Variants in SUGCT observed in about 807,000 individuals in gnomAD.
SUGCT encodes the protein succinyl-CoA:glutarate-CoA transferase, also known as succinyl-CoA:glutarate CoA-transferase.
In SUGCT, 41 loss-of-function variants were observed where a neutral mutation model predicts 55.0. The observed-to-expected ratio is 0.74, with a 90% CI of 0.58 to 0.97. The LOEUF (loss-of-function observed/expected upper bound fraction) is 0.97. Ranked by LOEUF, SUGCT falls within the 50% of genes least tolerant of loss-of-function variation. The pLI, the probability that SUGCT is intolerant of heterozygous loss-of-function variation, is 0.00. For synonymous variants in SUGCT, 187 were observed against 200.4 expected (o/e 0.93, Z 0.56); for missense variants, 568 against 547.8 (o/e 1.04, Z -0.37).
chr7:40,589,992 C>G (rs1797624111), intron 12 of SUGCT, among the ~76,000 whole-genome samples: 1 of 151,982 alleles, frequency 6.6e-6, no homozygotes, highest in Admixed American at 6.6e-5. Flanking sequence ...TCTACTGGTG[C>G]CAATGTTTGA....
intron 7 of SUGCT, among the ~76,000 whole-genome samples, chr7:40,268,280 C>G (rs907020335): frequency 2.0e-5 from 3 of 152,314 alleles, no homozygotes; most frequent in Non-Finnish European, 2.9e-5. Context: ...CGCCCAGCCC[C>G]TGGCTAATCT....
At chr7:40,987,429 G>C in the SUGCT span, among the ~76,000 whole-genome samples, 2 of 152,220 alleles carry the variant, frequency 1.3e-5, no homozygotes, top group East Asian at 3.9e-4. Context: ...TGTGACTCTT[G>C]GTAATTTATG....
intron 7 of SUGCT, among the ~76,000 whole-genome samples, chr7:40,247,707 G>A (rs1250817649): frequency 6.6e-6 from 1 of 152,048 alleles, no homozygotes; most frequent in East Asian, 1.9e-4. Flanking sequence ...CCTTTCCTTT[G>A]TTTTTATTGG....
At chr7:40,978,782 G>T in the SUGCT span, among the ~76,000 whole-genome samples, 2 of 152,190 alleles carry the variant, frequency 1.3e-5, no homozygotes, top group Admixed American at 6.5e-5. Flanking sequence ...AAGGGGCACT[G>T]GAGTGGAGGC....
chr7:40,932,592 A>G, the SUGCT span, among the ~76,000 whole-genome samples: 1 of 152,092 alleles, frequency 6.6e-6, no homozygotes, highest in Non-Finnish European at 1.5e-5. Flanking sequence ...GACTTGCTTT[A>G]TGAATCTGGG....
chr7:40,594,044 A>G (rs1797869389), intron 12 of SUGCT, among the ~76,000 whole-genome samples: 1 of 152,184 alleles, frequency 6.6e-6, no homozygotes, highest in Non-Finnish European at 1.5e-5. Context: ...ATGAAACTGG[A>G]AATCATCATT....
chr7:40,396,227 A>G (rs1785718565), intron 9 of SUGCT, among the ~76,000 whole-genome samples: 2 of 152,202 alleles, frequency 1.3e-5, no homozygotes. Flanking sequence ...AAATGCCTTA[A>G]TACAACTCTG....
At chr7:40,587,513 G>A (rs1468526713) in intron 12 of SUGCT, among the ~76,000 whole-genome samples, 17 of 152,148 alleles carry the variant, frequency 1.1e-4, no homozygotes, top group Admixed American at 1.1e-3. Flanking sequence ...ATTCATAAAA[G>A]TGATGTGTGT....
At chr7:40,571,507 T>A (rs1796446600) in intron 12 of SUGCT, among the ~76,000 whole-genome samples, 1 of 152,238 alleles carries the variant, frequency 6.6e-6, no homozygotes, top group African/African-American at 2.4e-5. Context: ...ACTTTCTGTA[T>A]ACAGGAGGGT....
the SUGCT span, among the ~76,000 whole-genome samples, chr7:40,950,698 G>T: frequency 5.3e-5 from 8 of 152,164 alleles, no homozygotes; most frequent in African/African-American, 1.9e-4. Context: ...GGCCTTTTCT[G>T]TATCTATTGA....
rs553545989 is a variant in SUGCT at position 40,687,203 on chromosome 7, G to T, written c.1090-62231G>T. 1.4e-4 allele frequency among the ~76,000 whole-genome samples: 21 copies of T among 152,246 alleles called. 1 individual carries two copies. Among genetic ancestry groups the T allele is most frequent in the African/African-American group, 4.6e-4 (19 of 41,548 alleles). The stretch of plus-strand genomic sequence containing the variant: ...AAAATTCTCTACTGTCATTTTGGTG[G>T]AGAATTATGAGGGAAGAGTAATAAA... On this transcript the variant is annotated intron_variant, in intron 12 of 13. Coordinates refer to ENST00000335693, the MANE Select transcript of SUGCT (RefSeq NM_001193313.2).
intron 6 of SUGCT, among the ~76,000 whole-genome samples, chr7:40,225,470 T>A (rs1006786570): frequency 6.6e-6 from 1 of 150,546 alleles, no homozygotes; most frequent in Non-Finnish European, 1.5e-5. Context: ...GGAGTCTTAC[T>A]CTGTCGCCCA....
chr7:40,525,306 T>G (rs571216855), intron 12 of SUGCT, among the ~76,000 whole-genome samples: 164 of 152,280 alleles, frequency 1.1e-3, no homozygotes, highest in Non-Finnish European at 1.7e-3. Context: ...GAACTGTGAT[T>G]GGAGTGTAGG....
chr7:40,975,433 G>T, the SUGCT span, among the ~76,000 whole-genome samples: 1 of 152,170 alleles, frequency 6.6e-6, no homozygotes, highest in Non-Finnish European at 1.5e-5. Context: ...AGTATAAGAA[G>T]CCATCTCTCT....
At chr7:40,348,188 C>T (rs1285910153) in intron 9 of SUGCT, among the ~76,000 whole-genome samples, 2 of 152,144 alleles carry the variant, frequency 1.3e-5, no homozygotes, top group East Asian at 1.9e-4. Flanking sequence ...TAGGTCCAGG[C>T]GGGAGAGGTC....
At chr7:40,715,326 C>G (rs955489070) in intron 12 of SUGCT, among the ~76,000 whole-genome samples, 2 of 152,082 alleles carry the variant, frequency 1.3e-5, no homozygotes, top group Admixed American at 6.6e-5. Context: ...TATACAATTG[C>G]AGAAGAACAT....
At chr7:40,275,496 A>C (rs1018288328) in intron 8 of SUGCT, among the ~76,000 whole-genome samples, 2 of 152,178 alleles carry the variant, frequency 1.3e-5, no homozygotes, top group Non-Finnish European at 2.9e-5. Context: ...GTGTAACACT[A>C]TTATAATTTT....
At position 40,333,598 on chromosome 7, in the gene SUGCT, C is replaced by A. The variant is rs532778175; in HGVS notation, c.816+16743C>A. Among the ~76,000 whole-genome samples, 14 of 121,792 alleles carry A rather than the reference C, an allele frequency of 1.1e-4. No individual in the cohort carries two copies. In the South Asian group the frequency reaches 3.1e-3, roughly 27 times the overall value. 79.9% of individuals were successfully genotyped at this position (121,792 alleles called of 152,430 possible). A position where few individuals can be genotyped will look rare whatever the true frequency, so the allele number is the denominator to read the frequency against. Reference sequence around the variant, plus strand: ...GTTGTAGTGAGCCAAGATCACACCACTGCACTCCAGCCTGGGTGACAGGGC... The same window carrying A: ...GTTGTAGTGAGCCAAGATCACACCAATGCACTCCAGCCTGGGTGACAGGGC... On this transcript the variant is annotated intron_variant, in intron 9 of 13. Transcript: ENST00000335693.
chr7:40,769,768 G>C (rs763658185), intron 13 of SUGCT, among the ~76,000 whole-genome samples: 5 of 152,170 alleles, frequency 3.3e-5, no homozygotes, highest in Middle Eastern at 3.2e-3. Flanking sequence ...ACTTTGTGAC[G>C]ATTTGTAACA....
Sources: gnomAD v4.1 joint callset for allele counts (sites outside exome capture counted in the v4.1 genomes callset) on GRCh38, gnomAD v4.1.1 for gene constraint, MANE v1.5 for transcripts, NCBI Gene and HGNC (gene_info 2026-07-23, HGNC 2026-07-21) for gene names.